The following PPFIA1 variants were observed in gnomAD, a reference collection of about 807,000 sequenced individuals.
PPFIA1 encodes the protein PPFI scaffold protein A1, also known as liprin-alpha-1.
PPFIA1 carries 25 observed loss-of-function variants against 149.9 expected under a neutral mutation model. That is an observed-to-expected ratio of 0.17 (90% CI 0.12 to 0.23). The LOEUF is 0.23. PPFIA1 is among the 10% of genes least tolerant of loss of function. The probability of loss-of-function intolerance (pLI) is 1.00; values close to 1 mark genes in which losing one functional copy is unlikely to be tolerated. For synonymous variants in PPFIA1, 549 were observed against 552.8 expected, an observed-to-expected ratio of 0.99 and a Z score of 0.10; for missense variants, 1,362 against 1,506.5, an observed-to-expected ratio of 0.90 and a Z score of 1.59.
At chr11:70,376,744 C>A in intron 25 of PPFIA1, 144 bp downstream of exon 25, 1 of 785,054 alleles carries the variant, frequency 1.3e-6, no homozygotes, top group Non-Finnish European at 2.1e-6. Context: ...TCAGGCTTTG[C>A]TCTTATACAT....
At chr11:70,365,305 G>T in intron 21 of PPFIA1, 1 of 445,630 alleles carries the variant, frequency 2.2e-6, no homozygotes, top group Non-Finnish European at 4.5e-6. Context: ...GCTTATGCGT[G>T]TGCCCCTCTC....
intron 16 of PPFIA1, among the ~76,000 whole-genome samples, chr11:70,349,189 G>T (rs892747754): frequency 6.8e-6 from 1 of 147,160 alleles, no homozygotes; most frequent in African/African-American, 2.5e-5. Context: ...TGCATTTGAA[G>T]CCGTGAACAA....
chr11:70,314,149 A>G (rs984139513), intron 2 of PPFIA1, among the ~76,000 whole-genome samples: 1 of 152,228 alleles, frequency 6.6e-6, no homozygotes, highest in Non-Finnish European at 1.5e-5. Context: ...CCCCAGGAGC[A>G]CCAGCATTCT....
At chr11:70,333,610 C>T (rs563726663) in intron 10 of PPFIA1, 57 bp downstream of exon 10, 19 of 1,417,808 alleles carry the variant, frequency 1.3e-5, no homozygotes, top group Middle Eastern at 1.8e-4. Flanking sequence ...GGTCATTGCT[C>T]GGCTGTGGGG....
intron 2 of PPFIA1, chr11:70,284,202 C>T: frequency 2.5e-6 from 1 of 399,514 alleles, no homozygotes; most frequent in Non-Finnish European, 4.9e-6. Context: ...CTAATGACTG[C>T]CCCTTCAGAT....
At chr11:70,281,922 G>A (rs1033613398) in intron 2 of PPFIA1, among the ~76,000 whole-genome samples, 1 of 152,186 alleles carries the variant, frequency 6.6e-6, no homozygotes, top group African/African-American at 2.4e-5. Context: ...GAGCTGAAGC[G>A]GGCGTGCTCT....
At chr11:70,333,587 G>C (rs1266206527) in intron 10 of PPFIA1, 34 bp downstream of exon 10, 7 of 1,550,054 alleles carry the variant, frequency 4.5e-6, no homozygotes, top group Non-Finnish European at 6.2e-6. Flanking sequence ...GGGGCGCTGA[G>C]TGGGTGCTGC....
At chr11:70,334,727 T>G (rs1418125882) in intron 10 of PPFIA1, 6 of 152,254 alleles carry the variant, frequency 3.9e-5, no homozygotes, top group African/African-American at 1.2e-4. Context: ...GGGGTTCGAA[T>G]GCACTGCTGA....
intron 26 of PPFIA1, among the ~76,000 whole-genome samples, chr11:70,380,432 CT>C (rs1275918128): frequency 6.6e-6 from 1 of 151,372 alleles, no homozygotes; most frequent in African/African-American, 2.4e-5. Flanking sequence ...AAAAAATTAG[CT>C]GGGCACGGTG....
chr11:70,329,065 G>T (rs1245012311), intron 7 of PPFIA1, among the ~76,000 whole-genome samples: 1 of 152,098 alleles, frequency 6.6e-6, no homozygotes, highest in Non-Finnish European at 1.5e-5. Context: ...TTGTCAATAT[G>T]CTTGAGTCTT....
chr11:70,379,447 G>A (rs891726386), intron 26 of PPFIA1, among the ~76,000 whole-genome samples: 19 of 149,340 alleles, frequency 1.3e-4, no homozygotes, highest in Non-Finnish European at 2.4e-4. Flanking sequence ...GACAGACTGA[G>A]ACTCTGTCTC....
At chr11:70,318,104 C>T (rs572196814) in intron 2 of PPFIA1, among the ~76,000 whole-genome samples, 1 of 152,246 alleles carries the variant, frequency 6.6e-6, no homozygotes, top group Admixed American at 6.5e-5. Context: ...TCTCCATGCC[C>T]ATTCACCTCC....
chr11:70,370,622 A>G (rs978059060), intron 21 of PPFIA1, among the ~76,000 whole-genome samples: 3 of 152,018 alleles, frequency 2.0e-5, no homozygotes, highest in Non-Finnish European at 4.4e-5. Context: ...TCCTGACCAA[A>G]GGTGATCCGC....
Position 70,339,239 on chromosome 11 carries a change from G to A in PPFIA1, c.1640G>A (p.Ser547Asn), listed in dbSNP as rs1273427149. The A allele has an allele frequency of 6.2e-7, 1 of 1,614,192 alleles. No individual in the cohort carries two copies. The highest frequency in any genetic ancestry group is 1.7e-5 in the Admixed American group (1 of 60,032). Reference protein sequence around the residue: ...PMADGHTDSYSTSAVLRRPQK... With the variant: ...PMADGHTDSYNTSAVLRRPQK... ...GCAGACGGCCACACAGACTCCTACA[G>A]CACCAGTGCAGTGCTGCGGCGCCCA... is the stretch of plus-strand genomic sequence containing the variant. The change falls in exon 14 of 28, where the codon AGC (serine) becomes AAC (asparagine). Residue 547 changes from serine (S) to asparagine (N), a missense_variant. Ser to Asn is a conservative substitution (Grantham distance 46). Coordinates refer to ENST00000253925, the MANE Select transcript of PPFIA1 (RefSeq NM_003626.5).
rs758790362 is a variant in PPFIA1 at position 70,355,794 on chromosome 11, A to G, written c.2471A>G (p.Lys824Arg). 7.4e-6 allele frequency: 12 copies of G among 1,611,976 alleles called. No homozygotes were observed. In the East Asian group the frequency reaches 2.5e-4, roughly 33 times the overall value. ...AAGGGCCGACCTGGACAAACTGGCA[A>G]AGAAGCATTAGGACAAGGTTGGTTG... The part of the protein sequence containing the change: ...KEKGRPGQTG[K>R]EALGQAGVSE... Residue 824 changes from lysine (K) to arginine (R), a missense_variant, in exon 18 of 28, where the codon AAA (lysine) becomes AGA (arginine). Transcript: ENST00000253925.
At chr11:70,372,175 A>T in intron 21 of PPFIA1, 40 bp from the exon 22 acceptor site, 2 of 1,546,364 alleles carry the variant, frequency 1.3e-6, no homozygotes, top group Non-Finnish European at 1.7e-6. Flanking sequence ...TACTTTTGAG[A>T]CTTCCTCTGT....
intron 2 of PPFIA1, among the ~76,000 whole-genome samples, chr11:70,315,284 C>A (rs1272865385): frequency 6.6e-6 from 1 of 152,088 alleles, no homozygotes; most frequent in African/African-American, 2.4e-5. Flanking sequence ...GATGATGAGA[C>A]CAAATTTTTA....
chr11:70,288,737 T>C (rs887843430), intron 2 of PPFIA1, among the ~76,000 whole-genome samples: 5 of 152,198 alleles, frequency 3.3e-5, no homozygotes, highest in Non-Finnish European at 5.9e-5. Flanking sequence ...GATGCTCATA[T>C]TGTCCCTTTC....
chr11:70,318,092 G>A (rs1361929753), intron 2 of PPFIA1, among the ~76,000 whole-genome samples: 1 of 151,982 alleles, frequency 6.6e-6, no homozygotes, highest in Non-Finnish European at 1.5e-5. Context: ...CATTCAGTCC[G>A]TTCTCCATGC....
Sources: allele counts gnomAD v4.1 joint callset (sites outside exome capture counted in the v4.1 genomes callset), GRCh38; gene constraint gnomAD v4.1.1; transcripts MANE v1.5; gene names NCBI Gene and HGNC (gene_info 2026-07-23, HGNC 2026-07-21).